The following KRTAP19-3 variants were observed in gnomAD, a reference collection of about 807,000 sequenced individuals.
KRTAP19-3 encodes keratin associated protein 19-3.
For synonymous variants in KRTAP19-3, 37 were observed against 41.9 expected (o/e 0.88, Z 0.45); for missense variants, 106 against 101.6 (o/e 1.04, Z -0.19).
Position 30,491,676 on chromosome 21 carries a change from T to C in KRTAP19-3, c.*36A>G. 8 of 1,612,086 alleles carry C rather than the reference T, an allele frequency of 5.0e-6. No individual in the cohort carries two copies. Among genetic ancestry groups the C allele is most frequent in the Non-Finnish European group, 6.8e-6 (8 of 1,178,272 alleles). On this transcript the variant is annotated 3_prime_UTR_variant, in exon 1 of 1. Coordinates refer to ENST00000334063, the MANE Select transcript of KRTAP19-3 (RefSeq NM_181609.4). ...TGAAGTCAGCTCTGGGAAAGTCCTC[T>C]TATAATTTCACACATTGTGTTGCTG...
Position 30,491,474 on chromosome 21 carries a change from A to C in KRTAP19-3, c.*238T>G. 1.6e-6 allele frequency: 1 copy of C among 627,614 alleles called. No individual in the cohort carries two copies. Among genetic ancestry groups the C allele is most frequent in the African/African-American group, 1.8e-5 (1 of 54,592 alleles). The allele number at this position is 627,614 out of a possible 1,614,324, so 38.9% of individuals were successfully genotyped here. A position where few individuals can be genotyped will look rare whatever the true frequency, so the allele number is the denominator to read the frequency against. ...AAACAGAACCATATTGTGTTTGAAA[A>C]TAGAATGTTTTATTGGAAGATAAAC... On this transcript the variant is annotated 3_prime_UTR_variant, in exon 1 of 1. Transcript: ENST00000334063.
At position 30,491,807 on chromosome 21, in the gene KRTAP19-3, C is replaced by G. The variant is rs749197798; in HGVS notation, c.151G>C (p.Gly51Arg). 4 of 1,614,024 alleles carry G rather than the reference C, an allele frequency of 2.5e-6. No individual in the cohort carries two copies. In the South Asian group the frequency reaches 4.4e-5, roughly 18 times the overall value. The change falls in exon 1 of 1, where the codon GGA (glycine) becomes CGA (arginine). Residue 51 changes from glycine (G) to arginine (R), a missense_variant. Coordinates refer to ENST00000334063, the MANE Select transcript of KRTAP19-3 (RefSeq NM_181609.4). ...AAGCCAGAGCCATATCCATAGCCTCCAAAGCCAGAGCCATATCCGTAGCCT... is the reference window on the plus strand; with the variant it reads ...AAGCCAGAGCCATATCCATAGCCTCGAAAGCCAGAGCCATATCCGTAGCCT... The part of the protein sequence containing the change: ...YGGYGYGSGF[G>R]GYGYGSGFGG...
chr21:30,491,656 T>G lies in KRTAP19-3; in HGVS notation c.*56A>C. On this transcript the variant is annotated 3_prime_UTR_variant, in exon 1 of 1. Coordinates refer to ENST00000334063, the MANE Select transcript of KRTAP19-3 (RefSeq NM_181609.4). ...GATCTTTGTTGTCCAATGATTGAAG[T>G]CAGCTCTGGGAAAGTCCTCTTATAA... The G allele has an allele frequency of 6.2e-7, 1 of 1,605,558 alleles. No homozygotes were observed.
At chr21:30,491,910 T>TC in the KRTAP19-3 span, 1 of 1,614,034 alleles carries the variant, frequency 6.2e-7, no homozygotes, top group Non-Finnish European at 8.5e-7. Context: ...CACCAAAGCC[T>TC]CCACAGCCAT....
In KRTAP19-3 at chr21:30,491,852, C is replaced by A. The variant is rs1177468683; in HGVS notation, c.106G>T (p.Gly36Cys). Residue 36 changes from glycine to cysteine, a missense_variant, in exon 1 of 1, where the codon GGT (glycine) becomes TGT (cysteine). Gly to Cys is a radical substitution (Grantham distance 159). Coordinates refer to ENST00000334063, the MANE Select transcript of KRTAP19-3 (RefSeq NM_181609.4). Reference sequence around the variant, plus strand: ...TAGCCTCCATAGCCACAGCCAGAACCCAGTCTGCGGAAGCTGCCACATCCA... The same window carrying A: ...TAGCCTCCATAGCCACAGCCAGAACACAGTCTGCGGAAGCTGCCACATCCA... ...GCGCGSFRRL[G>C]SGCGYGGYGY... 1.9e-6 allele frequency: 3 copies of A among 1,614,014 alleles called. No homozygotes were observed. The highest frequency in any genetic ancestry group is 8.5e-7 in the Non-Finnish European group (1 of 1,180,028).
the KRTAP19-3 span, chr21:30,491,771 C>A: frequency 2.5e-6 from 4 of 1,614,044 alleles, no homozygotes; most frequent in South Asian, 1.1e-5. Context: ...CAGCCATATC[C>A]GTAGCCTCCG....
At position 30,491,565 on chromosome 21, in the gene KRTAP19-3, T is replaced by C. The variant is rs1441164543; in HGVS notation, c.*147A>G. ...TAGGATTATTATAGAGATGTGGGTA[T>C]ACAGAGAAAAAAAATTGCCTGAAAT... On this transcript the variant is annotated 3_prime_UTR_variant, in exon 1 of 1. Coordinates refer to ENST00000334063, the MANE Select transcript of KRTAP19-3 (RefSeq NM_181609.4). The C allele has an allele frequency of 7.5e-7, 1 of 1,331,526 alleles. No individual in the cohort carries two copies. The highest frequency in any genetic ancestry group is 1.5e-5 in the African/African-American group (1 of 68,408). 82.5% of individuals were successfully genotyped at this position (1,331,526 alleles called of 1,614,324 possible). A position where few individuals can be genotyped will look rare whatever the true frequency, so the allele number is the denominator to read the frequency against.
chr21:30,491,788 G>A lies in KRTAP19-3; in HGVS notation c.170C>T (p.Ser57Phe), dbSNP rs751648834. 1.2e-6 allele frequency: 2 copies of A among 1,613,942 alleles called. No individual in the cohort carries two copies. Among genetic ancestry groups the A allele is most frequent in the South Asian group, 1.1e-5 (1 of 91,070 alleles). ...GSGFGGYGYG[S>F]GFGGYGYGCY... ...GCCATATCCGTAGCCTCCGAAGCCA[G>A]AGCCATATCCATAGCCTCCAAAGCC... is the stretch of plus-strand genomic sequence containing the variant. Residue 57 changes from serine to phenylalanine, a missense_variant, in exon 1 of 1, where the codon TCT (serine) becomes TTT (phenylalanine). Physicochemically the swap from Ser to Phe is radical, Grantham distance 155. Transcript: ENST00000334063.
rs1416522216 is a variant in KRTAP19-3 at position 30,491,542 on chromosome 21, G to C, written c.*170C>G. On this transcript the variant is annotated 3_prime_UTR_variant, in exon 1 of 1. Coordinates refer to ENST00000334063, the MANE Select transcript of KRTAP19-3 (RefSeq NM_181609.4). ...TTAAAAGCAAAAGTAGAGAATACTAGGATTATTATAGAGATGTGGGTATAC... is the reference window on the plus strand; with the variant it reads ...TTAAAAGCAAAAGTAGAGAATACTACGATTATTATAGAGATGTGGGTATAC... The C allele has an allele frequency of 6.8e-6, 7 of 1,035,850 alleles. No homozygotes were observed. The highest frequency in any genetic ancestry group is 9.8e-6 in the Non-Finnish European group (7 of 713,694). The allele number at this position is 1,035,850 out of a possible 1,614,324, so 64.2% of individuals were successfully genotyped here. A position where few individuals can be genotyped will look rare whatever the true frequency, so the allele number is the denominator to read the frequency against.
In KRTAP19-3 at chr21:30,491,771, C is replaced by T. The variant is rs775212099; in HGVS notation, c.187G>A (p.Gly63Arg). ...YGYGSGFGGY[G>R]YGCYRPSYYG... ...TATGATGGGCGGTAGCAGCCATATC[C>T]GTAGCCTCCGAAGCCAGAGCCATAT... The change falls in exon 1 of 1, where the codon GGA (glycine) becomes AGA (arginine). Residue 63 changes from glycine to arginine, a missense_variant. By Grantham distance (125) the Gly-to-Arg change is moderately radical (BLOSUM62 -2). Coordinates refer to ENST00000334063, the MANE Select transcript of KRTAP19-3 (RefSeq NM_181609.4). 23 of 1,614,044 alleles carry T rather than the reference C, an allele frequency of 1.4e-5. No homozygotes were observed. The highest frequency in any genetic ancestry group is 1.3e-4 in the East Asian group (6 of 44,876).
chr21:30,491,485 T>C lies in KRTAP19-3; in HGVS notation c.*227A>G, dbSNP rs762432312. 96 of 658,828 alleles carry C rather than the reference T, an allele frequency of 1.5e-4. 1 individual carries two copies. In the South Asian group the frequency reaches 1.6e-3, roughly 11 times the overall value. 40.8% of individuals were successfully genotyped at this position (658,828 alleles called of 1,614,324 possible). On this transcript the variant is annotated 3_prime_UTR_variant, in exon 1 of 1. Coordinates refer to ENST00000334063, the MANE Select transcript of KRTAP19-3 (RefSeq NM_181609.4). ...TATTGTGTTTGAAAATAGAATGTTT[T>C]ATTGGAAGATAAACAGATAATTCAA...
Position 30,491,874 on chromosome 21 carries a change from T to A in KRTAP19-3, c.84A>T (p.Gly28=), listed in dbSNP as rs773763721. 1 of 1,614,078 alleles carries A rather than the reference T, an allele frequency of 6.2e-7. No homozygotes were observed. Among genetic ancestry groups the A allele is most frequent in the South Asian group, 1.1e-5 (1 of 91,076 alleles). ...FGGLGYGYGC[G]CGSFRRLGSG... ...AACCCAGTCTGCGGAAGCTGCCACA[T>A]CCACAGCCATAGCCATAGCCCAGGC... is the stretch of plus-strand genomic sequence containing the variant. The change falls in exon 1 of 1, where the codon GGA becomes GGT. Residue 28 remains glycine, a synonymous_variant. Transcript: ENST00000334063.
Position 30,491,634 on chromosome 21 carries a change from CT to C in KRTAP19-3, c.*77del. 6.3e-7 allele frequency: 1 copy of C among 1,593,142 alleles called. No homozygotes were observed. Among genetic ancestry groups the C allele is most frequent in the Non-Finnish European group, 8.6e-7 (1 of 1,167,586 alleles). ...TTTGTGCAAATAGCTCCAGCATGAT[CT>C]TTGTTGTCCAATGATTGAAGTCAGC... On this transcript the variant is annotated 3_prime_UTR_variant, in exon 1 of 1. Coordinates refer to ENST00000334063, the MANE Select transcript of KRTAP19-3 (RefSeq NM_181609.4).
chr21:30,491,625 C>T lies in KRTAP19-3; in HGVS notation c.*87G>A. On this transcript the variant is annotated 3_prime_UTR_variant, in exon 1 of 1. Coordinates refer to ENST00000334063, the MANE Select transcript of KRTAP19-3 (RefSeq NM_181609.4). ...TTAAATTCTTTTGTGCAAATAGCTCCAGCATGATCTTTGTTGTCCAATGAT... is the reference window on the plus strand; with the variant it reads ...TTAAATTCTTTTGTGCAAATAGCTCTAGCATGATCTTTGTTGTCCAATGAT... 3 of 1,581,820 alleles carry T rather than the reference C, an allele frequency of 1.9e-6. No homozygotes were observed. Among genetic ancestry groups the T allele is most frequent in the Non-Finnish European group, 2.6e-6 (3 of 1,162,216 alleles).
chr21:30,491,571 G>GA lies in KRTAP19-3; in HGVS notation c.*140dup, dbSNP rs1012749920. The GA allele has an allele frequency of 4.0e-5, 56 of 1,416,294 alleles. No individual in the cohort carries two copies. Among genetic ancestry groups the GA allele is most frequent in the Non-Finnish European group, 4.9e-5 (51 of 1,043,250 alleles). The allele number at this position is 1,416,294 out of a possible 1,614,324, so 87.7% of individuals were successfully genotyped here. The stretch of plus-strand genomic sequence containing the variant: ...TATTATAGAGATGTGGGTATACAGA[G>GA]AAAAAAAATTGCCTGAAATTCTGAG... On this transcript the variant is annotated 3_prime_UTR_variant, in exon 1 of 1. Coordinates refer to ENST00000334063, the MANE Select transcript of KRTAP19-3 (RefSeq NM_181609.4).
rs1985983591 is a variant in KRTAP19-3 at position 30,491,854 on chromosome 21, A to C, written c.104T>G (p.Leu35Arg). The C allele has an allele frequency of 6.2e-7, 1 of 1,614,106 alleles. No homozygotes were observed. The highest frequency in any genetic ancestry group is 8.5e-7 in the Non-Finnish European group (1 of 1,180,022). ...YGCGCGSFRR[L>R]GSGCGYGGYG... ...GCCTCCATAGCCACAGCCAGAACCC[A>C]GTCTGCGGAAGCTGCCACATCCACA... The change falls in exon 1 of 1, where the codon CTG (leucine) becomes CGG (arginine). Residue 35 changes from leucine (L) to arginine (R), a missense_variant. Transcript: ENST00000334063.
At position 30,491,981 on chromosome 21, in the gene KRTAP19-3, T is replaced by A; in HGVS notation, c.-24A>T. 2 of 1,613,748 alleles carry A rather than the reference T, an allele frequency of 1.2e-6. No individual in the cohort carries two copies. Among genetic ancestry groups the A allele is most frequent in the Non-Finnish European group, 1.7e-6 (2 of 1,179,676 alleles). The stretch of plus-strand genomic sequence containing the variant: ...ATGGTGTCAGGGGTAGTGAGTTTGG[T>A]TTGCTGCTCAAGGCAAGGTCCTGAG... On this transcript the variant is annotated 5_prime_UTR_variant, in exon 1 of 1. Coordinates refer to ENST00000334063, the MANE Select transcript of KRTAP19-3 (RefSeq NM_181609.4).
rs1218381173 is a variant in KRTAP19-3, at chr21:30,491,766, A to G, written c.192T>C (p.Tyr64=). Residue 64 remains tyrosine, a synonymous_variant, in exon 1 of 1, where the codon TAT becomes TAC. Transcript: ENST00000334063. ...GYGSGFGGYG[Y]GCYRPSYYGG... ...CATAGTATGATGGGCGGTAGCAGCC[A>G]TATCCGTAGCCTCCGAAGCCAGAGC... is the stretch of plus-strand genomic sequence containing the variant. 6.2e-7 allele frequency: 1 copy of G among 1,614,134 alleles called. No individual in the cohort carries two copies. Among genetic ancestry groups the G allele is most frequent in the Admixed American group, 1.7e-5 (1 of 60,000 alleles).
Position 30,491,764 on chromosome 21 carries a change from C to G in KRTAP19-3, c.194G>C (p.Gly65Ala). The G allele has an allele frequency of 6.2e-7, 1 of 1,614,100 alleles. No homozygotes were observed. Among genetic ancestry groups the G allele is most frequent in the Non-Finnish European group, 8.5e-7 (1 of 1,180,006 alleles). ...TCCATAGTATGATGGGCGGTAGCAGCCATATCCGTAGCCTCCGAAGCCAGA... is the reference window on the plus strand; with the variant it reads ...TCCATAGTATGATGGGCGGTAGCAGGCATATCCGTAGCCTCCGAAGCCAGA... ...YGSGFGGYGY[G>A]CYRPSYYGGY... is the part of the protein sequence containing the mutation. Residue 65 changes from glycine to alanine, a missense_variant, in exon 1 of 1, where the codon GGC (glycine) becomes GCC (alanine). Gly to Ala is a moderately conservative substitution (Grantham distance 60). Transcript: ENST00000334063.
Sources: gnomAD v4.1 joint callset for allele counts on GRCh38, gnomAD v4.1.1 for gene constraint, MANE v1.5 for transcripts, NCBI Gene and HGNC (gene_info 2026-07-23, HGNC 2026-07-21) for gene names.